ERMARD: variants seen among roughly 807,000 people sequenced by gnomAD.
ERMARD encodes endoplasmic reticulum membrane-associated RNA degradation protein.
In ERMARD, 71 loss-of-function variants were observed where a neutral mutation model predicts 83.9. The observed-to-expected ratio is 0.85, with a 90% CI of 0.70 to 1.03. ERMARD has a LOEUF of 1.03. Ranked by LOEUF, ERMARD falls within the 50% of genes least tolerant of loss-of-function variation. The pLI, the probability that ERMARD is intolerant of heterozygous loss-of-function variation, is 0.00. For synonymous variants in ERMARD, 284 were observed against 298.6 expected, an observed-to-expected ratio of 0.95 and a Z score of 0.50; for missense variants, 838 against 810.9, an observed-to-expected ratio of 1.03 and a Z score of -0.41.
intron 2 of ERMARD, 116 bp downstream of exon 2, chr6:169,754,148 G>A: frequency 1.1e-6 from 1 of 933,610 alleles, no homozygotes; most frequent in Admixed American, 2.7e-5. Context: ...TTATAATACA[G>A]GCCTAACTCC....
chr6:169,757,294 C>G (rs924473532), intron 5 of ERMARD, among the ~76,000 whole-genome samples: 1 of 152,104 alleles, frequency 6.6e-6, no homozygotes, highest in African/African-American at 2.4e-5. Context: ...AGCATATTCT[C>G]CCTTCCCACC....
intron 9 of ERMARD, among the ~76,000 whole-genome samples, chr6:169,765,005 G>A (rs1792022865): frequency 6.6e-6 from 1 of 152,196 alleles, no homozygotes. Flanking sequence ...AGGCCTACAC[G>A]TTGCTGTCGC....
intron 3 of ERMARD, among the ~76,000 whole-genome samples, chr6:169,755,829 G>A (rs75086137): frequency 0.077 from 11,774 of 152,200 alleles, 524 homozygotes; most frequent in East Asian, 0.12. Context: ...TGGGTAATTT[G>A]GGGCCTAACC....
chr6:169,761,103 T>C (rs972350618), intron 8 of ERMARD, among the ~76,000 whole-genome samples: 1 of 152,210 alleles, frequency 6.6e-6, no homozygotes, highest in East Asian at 1.9e-4. Context: ...AGCAAACACA[T>C]GTATGGTCGC....
intron 4 of ERMARD, 58 bp from the exon 5 acceptor site, chr6:169,756,661 T>C: frequency 6.9e-7 from 1 of 1,448,216 alleles, no homozygotes; most frequent in Non-Finnish European, 9.7e-7. Context: ...ATGGATAATG[T>C]TTTTAATGTT....
intron 16 of ERMARD, 137 bp downstream of exon 16, chr6:169,776,810 TC>T: frequency 2.9e-6 from 3 of 1,031,062 alleles, no homozygotes; most frequent in Non-Finnish European, 4.3e-6. Flanking sequence ...ATACTTGGAG[TC>T]CACAACTGAG....
chr6:169,770,335 G>A (rs1368596318), intron 12 of ERMARD: 4 of 152,130 alleles, frequency 2.6e-5, no homozygotes, highest in Non-Finnish European at 5.9e-5. Flanking sequence ...TCATAGGAAG[G>A]TATGTTATGT....
At chr6:169,773,552 G>T in intron 13 of ERMARD, 150 bp downstream of exon 13, 1 of 680,056 alleles carries the variant, frequency 1.5e-6, no homozygotes. Context: ...GCCTGCTGTG[G>T]CGCTGGCCTG....
In ERMARD at chr6:169,776,664, T is replaced by C; in HGVS notation, c.1730T>C (p.Met577Thr). Residue 577 changes from methionine (M) to threonine (T), a missense_variant, in exon 16 of 18, where the codon ATG becomes ACG. By Grantham distance (81) the Met-to-Thr change is moderately conservative (BLOSUM62 -1). Transcript: ENST00000366773. ...RSRQRQNYLR[M>T]WSSIRLLSPV... ...CGCCAGCGGCAGAACTACCTGCGTA[T>C]GTGGAGTAGGTGCGCGCTCACTTTC... 2 of 1,613,668 alleles carry C rather than the reference T, an allele frequency of 1.2e-6. No individual in the cohort carries two copies. The highest frequency in any genetic ancestry group is 1.7e-6 in the Non-Finnish European group (2 of 1,179,986).
At chr6:169,761,106 A>T (rs920192204) in intron 8 of ERMARD, among the ~76,000 whole-genome samples, 2 of 152,202 alleles carry the variant, frequency 1.3e-5, no homozygotes, top group Admixed American at 1.3e-4. Flanking sequence ...AAACACATGT[A>T]TGGTCGCCAC....
At chr6:169,769,490 T>C in intron 11 of ERMARD, 50 bp from the exon 12 acceptor site, 2 of 1,516,356 alleles carry the variant, frequency 1.3e-6, no homozygotes, top group Non-Finnish European at 1.8e-6. Context: ...CAGGCACGTC[T>C]CTCTGCTGCG....
chr6:169,763,654 A>G (rs1442105010), intron 9 of ERMARD, among the ~76,000 whole-genome samples: 1 of 152,224 alleles, frequency 6.6e-6, no homozygotes, highest in Admixed American at 6.5e-5. Flanking sequence ...CCCTCTTTGT[A>G]GGCATTCCTC....
At chr6:169,768,618 C>T (rs562332900) in intron 11 of ERMARD, among the ~76,000 whole-genome samples, 8 of 152,086 alleles carry the variant, frequency 5.3e-5, no homozygotes, top group South Asian at 2.1e-4. Context: ...TAGCTGGGTG[C>T]GGTGGCGGGC....
At chr6:169,767,522 C>A (rs9371171) in intron 10 of ERMARD, 12,602 of 154,290 alleles carry the variant, frequency 0.082, 1,601 homozygotes, top group East Asian at 0.56. Flanking sequence ...ACACATACCT[C>A]CATGCTGCAT....
rs139177345 is a variant in ERMARD, at chr6:169,763,326, A to G, written c.960+795A>G. Among the ~76,000 whole-genome samples the G allele has an allele frequency of 7.6e-3, 1,149 of 152,166 alleles. 8 individuals are homozygous for G. The highest frequency in any genetic ancestry group is 0.011 in the African/African-American group (475 of 41,518). On this transcript the variant is annotated intron_variant, in intron 9 of 17. Transcript: ENST00000366773. ...CTCAGACCCCTCTGTGTCGTCTTCC[A>G]GTGATGAGGGCCAGGCCTTCCTTAT...
upstream of ERMARD, chr6:169,751,377 T>G (rs141108786): frequency 1.9e-6 from 3 of 1,614,166 alleles, no homozygotes; most frequent in South Asian, 3.3e-5. Flanking sequence ...CTTTCTTTCC[T>G]AGGCGTCACC....
At chr6:169,754,122 C>T in intron 2 of ERMARD, 90 bp downstream of exon 2, 1 of 1,294,978 alleles carries the variant, frequency 7.7e-7, no homozygotes, top group East Asian at 2.3e-5. Flanking sequence ...CCATTGGTTC[C>T]TTTTGTTAGA....
intron 9 of ERMARD, among the ~76,000 whole-genome samples, chr6:169,763,454 A>G (rs1378309823): frequency 6.6e-6 from 1 of 152,198 alleles, no homozygotes; most frequent in Non-Finnish European, 1.5e-5. Context: ...CTCTAAGGAC[A>G]CTTCCTGGAG....
rs1376710849 is a variant in ERMARD, at chr6:169,760,712, G to A, written c.813G>A (p.Met271Ile). 10 of 1,613,972 alleles carry A rather than the reference G, an allele frequency of 6.2e-6. No individual in the cohort carries two copies. In the East Asian group the frequency reaches 2.2e-4, roughly 36 times the overall value. ...MMKSAFILKI[M>I]LPYWEVALVK... ...AATCTGCTTTTATATTAAAAATCAT[G>A]TTACCATATTGGGAAGTTGCACTGG... is the stretch of plus-strand genomic sequence containing the variant. The change falls in exon 8 of 18, where the codon ATG becomes ATA. Residue 271 changes from methionine to isoleucine, a missense_variant. Met to Ile is a conservative substitution (Grantham distance 10). Coordinates refer to ENST00000366773, the MANE Select transcript of ERMARD (RefSeq NM_018341.3).
Sources: gnomAD v4.1 joint callset for allele counts (sites outside exome capture counted in the v4.1 genomes callset) on GRCh38, gnomAD v4.1.1 for gene constraint, MANE v1.5 for transcripts, NCBI Gene and HGNC (gene_info 2026-07-23, HGNC 2026-07-21) for gene names.